The following MAOB variants were observed in gnomAD, a reference collection of about 807,000 sequenced individuals.
MAOB encodes amine oxidase [flavin-containing] B.
In MAOB, 15 loss-of-function variants were observed where a neutral mutation model predicts 41.9. That is an observed-to-expected ratio of 0.36 (90% confidence interval 0.24 to 0.55). MAOB has a LOEUF of 0.55. MAOB is among the 20% of genes least tolerant of loss of function. The pLI, the probability that MAOB is intolerant of heterozygous loss-of-function variation, is 0.86. For missense variants in MAOB, 345 were observed against 398.7 expected (o/e 0.87, Z 1.15); for synonymous variants, 167 against 144.2 (o/e 1.16, Z -1.13).
intron 1 of MAOB, among the ~76,000 whole-genome samples, chrX:43,869,767 A>T (rs962811660): frequency 1.8e-5 from 2 of 112,355 alleles, no homozygotes; most frequent in Admixed American, 9.4e-5. Context: ...CATTTAAAAA[A>T]TGGTTATTTC....
intron 2 of MAOB, among the ~76,000 whole-genome samples, chrX:43,842,609 A>G (rs182220073): frequency 8.9e-6 from 1 of 112,523 alleles, no homozygotes; most frequent in African/African-American, 3.2e-5. Flanking sequence ...TATGTCAAAG[A>G]GATATCTGCA....
At chrX:43,778,344 C>G (rs1394997817) in intron 11 of MAOB, among the ~76,000 whole-genome samples, 1 of 110,877 alleles carries the variant, frequency 9.0e-6, no homozygotes, top group Non-Finnish European at 1.9e-5. Context: ...TAGGATCTTC[C>G]TATGGGTAGT....
At position 43,846,543 on chromosome X, in the gene MAOB, T is replaced by C. The variant is rs185193839; in HGVS notation, c.47-2779A>G. 3.2e-3 allele frequency among the ~76,000 whole-genome samples: 361 copies of C among 111,538 alleles called. 1 individual carries two copies. The highest frequency in any genetic ancestry group is 5.6e-3 in the Non-Finnish European group (295 of 53,099). On this transcript the variant is annotated intron_variant, in intron 1 of 14. Coordinates refer to ENST00000378069, the MANE Select transcript of MAOB (RefSeq NM_000898.5). ...AGTCAAGAGGCTTGTTGGAAATCAA[T>C]TGACAGAAATTGATCTGAAAAAAAA... is the stretch of plus-strand genomic sequence containing the variant.
At chrX:43,849,273 G>A (rs1350696424) in intron 1 of MAOB, among the ~76,000 whole-genome samples, 1 of 111,951 alleles carries the variant, frequency 8.9e-6, no homozygotes, top group African/African-American at 3.2e-5. Flanking sequence ...GAGAGGCCAA[G>A]TAATGTGCAC....
chrX:43,868,770 G>A (rs2035381469), intron 1 of MAOB, among the ~76,000 whole-genome samples: 1 of 110,732 alleles, frequency 9.0e-6, no homozygotes, highest in South Asian at 4.0e-4. Flanking sequence ...TCACGGCACC[G>A]AGAGGCTTCT....
At chrX:43,793,361 T>C in intron 8 of MAOB, 58 bp downstream of exon 8, 1 of 971,262 alleles carries the variant, frequency 1.0e-6, no homozygotes, top group Non-Finnish European at 1.4e-6. Context: ...AATGCATGCC[T>C]TAGCAACAAG....
intron 1 of MAOB, among the ~76,000 whole-genome samples, chrX:43,854,850 A>G (rs1339886130): frequency 8.9e-6 from 1 of 111,898 alleles, no homozygotes; most frequent in Non-Finnish European, 1.9e-5. Context: ...CATTGCCAAG[A>G]TTATACAAGT....
rs749354944 is a variant in MAOB, at chrX:43,882,302, C to A, written c.-3G>T. Reference sequence around the variant, plus strand: ...ACCACGTCGCATTTGTTGCTCATGGCGCTCGCCCCGTTCCAGGCCTCCCTG... The same window carrying A: ...ACCACGTCGCATTTGTTGCTCATGGAGCTCGCCCCGTTCCAGGCCTCCCTG... On this transcript the variant is annotated 5_prime_UTR_variant, in exon 1 of 15. Coordinates refer to ENST00000378069, the MANE Select transcript of MAOB (RefSeq NM_000898.5). 8.3e-7 allele frequency: 1 copy of A among 1,206,826 alleles called. No individual in the cohort carries two copies. The highest frequency in any genetic ancestry group is 1.1e-6 in the Non-Finnish European group (1 of 893,410).
intron 8 of MAOB, 25 bp from the exon 9 acceptor site, chrX:43,781,569 G>A: frequency 1.2e-6 from 1 of 853,205 alleles, no homozygotes; most frequent in Non-Finnish European, 1.7e-6. Context: ...AAATGGAAGA[G>A]CATATTCATC....
chrX:43,874,941 T>C (rs190031857), intron 1 of MAOB, among the ~76,000 whole-genome samples: 55 of 112,218 alleles, frequency 4.9e-4, no homozygotes, highest in African/African-American at 1.7e-3. Context: ...TGTCTCCATC[T>C]GCATTTTAAG....
intron 3 of MAOB, among the ~76,000 whole-genome samples, chrX:43,828,454 T>A (rs1027058625): frequency 1.8e-5 from 2 of 110,681 alleles, no homozygotes; most frequent in Non-Finnish European, 3.8e-5. Context: ...AATAGATGAT[T>A]CATGTCAGTG....
At chrX:43,864,315 T>A (rs950073649) in intron 1 of MAOB, among the ~76,000 whole-genome samples, 2 of 111,685 alleles carry the variant, frequency 1.8e-5, no homozygotes, top group African/African-American at 3.2e-5. Context: ...ACATTATCTG[T>A]ATACGTATAT....
intron 3 of MAOB, among the ~76,000 whole-genome samples, chrX:43,834,673 G>T (rs1451993307): frequency 1.8e-5 from 2 of 111,953 alleles, no homozygotes; most frequent in Non-Finnish European, 3.8e-5. Context: ...CTCCTCCTCT[G>T]TGAGGCTGTT....
At chrX:43,798,769 A>G (rs1225761108) in intron 5 of MAOB, among the ~76,000 whole-genome samples, 2 of 111,920 alleles carry the variant, frequency 1.8e-5, no homozygotes, top group African/African-American at 6.5e-5. Flanking sequence ...TGGTTGGGAT[A>G]AATGATATTG....
At chrX:43,803,455 G>A in intron 3 of MAOB, 51 bp from the exon 4 acceptor site, 1 of 1,138,226 alleles carries the variant, frequency 8.8e-7, no homozygotes, top group East Asian at 3.4e-5. Flanking sequence ...CAATGTAAAA[G>A]TAGGTAATCT....
chrX:43,778,544 C>T lies in MAOB; in HGVS notation c.1137+138G>A. 4 of 494,524 alleles carry T rather than the reference C, an allele frequency of 8.1e-6. No homozygotes were observed. The East Asian group carries it at 1.5e-4, about 19-fold the overall frequency. 40.8% of individuals were successfully genotyped at this position (494,524 alleles called of 1,213,427 possible). A position where few individuals can be genotyped will look rare whatever the true frequency, so the allele number is the denominator to read the frequency against. ...TGGAACCACTTGTAAACTGACCAGT[C>T]CTGTGTAGATGCCTCTGCAAATATA... On this transcript the variant is annotated intron_variant, in intron 11 of 14. Transcript: ENST00000378069.
intron 5 of MAOB, among the ~76,000 whole-genome samples, chrX:43,798,967 C>T (rs1317513695): frequency 1.8e-5 from 2 of 111,758 alleles, no homozygotes; most frequent in Admixed American, 9.5e-5. Context: ...ACGCAAAACT[C>T]GTGCTTTTGA....
chrX:43,793,915 C>T (rs967335709), intron 7 of MAOB, among the ~76,000 whole-genome samples: 3 of 111,537 alleles, frequency 2.7e-5, no homozygotes, highest in Admixed American at 9.5e-5. Flanking sequence ...CTCACTCTGT[C>T]GCCAGGCTGG....
rs761916856 is a variant in MAOB at position 43,838,856 on chromosome X, G to A, written c.279+12C>T. The A allele has an allele frequency of 8.5e-7, 1 of 1,179,482 alleles. No homozygotes were observed. Among genetic ancestry groups the A allele is most frequent in the Non-Finnish European group, 1.1e-6 (1 of 880,423 alleles). ...AAGTTTTCAAATCCTTCAAAGTCTG[G>A]CCTGATCTTACCTTTACATGGTGGA... On this transcript the variant is annotated intron_variant, in intron 3 of 14. Transcript: ENST00000378069.
Sources: allele counts gnomAD v4.1 joint callset (sites outside exome capture counted in the v4.1 genomes callset), GRCh38; gene constraint gnomAD v4.1.1; transcripts MANE v1.5; gene names NCBI Gene and HGNC (gene_info 2026-07-23, HGNC 2026-07-21).